SYT16: variants seen among roughly 807,000 people sequenced by gnomAD.
SYT16 encodes the protein synaptotagmin 16, also known as synaptotagmin-16.
A neutral mutation model predicts 61.4 loss-of-function variants in SYT16; 42 were observed. That is an observed-to-expected ratio of 0.68 (90% CI 0.53 to 0.89). The LOEUF is 0.89. SYT16 is among the 40% of genes least tolerant of loss of function. The pLI, the probability that SYT16 is intolerant of heterozygous loss-of-function variation, is 0.00. For missense variants in SYT16, 804 were observed against 807.3 expected (o/e 1.00, Z 0.05); for synonymous variants, 314 against 302.3 (o/e 1.04, Z -0.40).
intron 1 of SYT16, among the ~76,000 whole-genome samples, chr14:61,944,900 A>G (rs1024315265): frequency 6.6e-6 from 1 of 152,238 alleles, no homozygotes; most frequent in Non-Finnish European, 1.5e-5. Context: ...GATTAATTAA[A>G]CTAAAGAGCT....
intron 3 of SYT16, among the ~76,000 whole-genome samples, chr14:62,063,654 C>T (rs773274620): frequency 3.3e-5 from 5 of 152,098 alleles, no homozygotes; most frequent in Admixed American, 6.5e-5. Context: ...CCCACCATCC[C>T]GTCTCTTTGG....
At chr14:62,069,445 G>A in intron 3 of SYT16, 158 bp from the exon 4 acceptor site, 1 of 667,194 alleles carries the variant, frequency 1.5e-6, no homozygotes, top group Non-Finnish European at 2.6e-6. Context: ...TCAAATTTGT[G>A]TTGCAAAAGT....
chr14:62,020,024 C>A (rs1259731398), intron 3 of SYT16, among the ~76,000 whole-genome samples: 1 of 152,108 alleles, frequency 6.6e-6, no homozygotes, highest in Non-Finnish European at 1.5e-5. Context: ...TTTTTTCTAA[C>A]TTACTAGTTA....
intron 1 of SYT16, among the ~76,000 whole-genome samples, chr14:61,955,271 C>T (rs2050827782): frequency 1.3e-5 from 2 of 152,062 alleles, no homozygotes; most frequent in Admixed American, 1.3e-4. Context: ...CTGTCCCTCC[C>T]CACTATTTTG....
chr14:61,826,646 G>A (rs2045779363), intron 1 of SYT16, among the ~76,000 whole-genome samples: 1 of 151,936 alleles, frequency 6.6e-6, no homozygotes, highest in Non-Finnish European at 1.5e-5. Context: ...AGGGATGCGA[G>A]GTTTCCAAAC....
intron 3 of SYT16, among the ~76,000 whole-genome samples, chr14:62,017,484 C>A (rs1267311419): frequency 6.6e-6 from 1 of 152,160 alleles, no homozygotes; most frequent in Non-Finnish European, 1.5e-5. Context: ...GAATTTCTGA[C>A]CTCCTCTCAA....
intron 2 of SYT16, among the ~76,000 whole-genome samples, chr14:61,976,753 C>A (rs2051822750): frequency 6.6e-6 from 1 of 152,132 alleles, no homozygotes; most frequent in Non-Finnish European, 1.5e-5. Flanking sequence ...GGAAGGGCTG[C>A]CATGAGGACC....
intron 3 of SYT16, among the ~76,000 whole-genome samples, chr14:62,026,194 A>G (rs1017380787): frequency 1.3e-5 from 2 of 152,196 alleles, no homozygotes; most frequent in African/African-American, 4.8e-5. Flanking sequence ...ATGGATCACA[A>G]TGAGTGGGGG....
chr14:61,988,810 C>T (rs1019181023), intron 2 of SYT16, among the ~76,000 whole-genome samples: 3 of 152,110 alleles, frequency 2.0e-5, no homozygotes, highest in Non-Finnish European at 2.9e-5. Context: ...GGATTTGAAC[C>T]CCACACTTGT....
chr14:61,837,117 G>T (rs2046154545), intron 1 of SYT16, among the ~76,000 whole-genome samples: 2 of 152,112 alleles, frequency 1.3e-5, no homozygotes, highest in African/African-American at 4.8e-5. Context: ...GATTGAGGGG[G>T]TTTCAAATGA....
At chr14:61,967,574 A>G (rs1395396722) in intron 1 of SYT16, among the ~76,000 whole-genome samples, 6 of 152,050 alleles carry the variant, frequency 3.9e-5, no homozygotes, top group Non-Finnish European at 5.9e-5. Context: ...TTGTAACTCG[A>G]ATCTCTGCCC....
At chr14:61,940,810 T>A (rs1015282837) in intron 1 of SYT16, among the ~76,000 whole-genome samples, 1 of 152,182 alleles carries the variant, frequency 6.6e-6, no homozygotes, top group Non-Finnish European at 1.5e-5. Flanking sequence ...TTCCCTGGAA[T>A]GCTCTTCAGA....
intron 1 of SYT16, among the ~76,000 whole-genome samples, chr14:61,944,731 A>G (rs1259337477): frequency 6.6e-6 from 1 of 152,240 alleles, no homozygotes. Context: ...TTATACAAAA[A>G]TTAACTCAAG....
At chr14:61,858,157 A>T (rs1014535865) in intron 1 of SYT16, among the ~76,000 whole-genome samples, 1 of 148,936 alleles carries the variant, frequency 6.7e-6, no homozygotes, top group African/African-American at 2.5e-5. Context: ...AGAAAAAAAG[A>T]AAAAAAAAAT....
intron 1 of SYT16, among the ~76,000 whole-genome samples, chr14:61,881,336 C>T (rs2140319349): frequency 1.3e-5 from 2 of 152,350 alleles, no homozygotes; most frequent in South Asian, 4.1e-4. Flanking sequence ...GAATAAAAGT[C>T]CTATAGTCAT....
chr14:61,864,910 C>T, intron 1 of SYT16: 1 of 1,262,750 alleles, frequency 7.9e-7, no homozygotes, highest in South Asian at 1.2e-5. Flanking sequence ...GCGGGATGCT[C>T]CGTGTCTTAA....
intron 3 of SYT16, among the ~76,000 whole-genome samples, chr14:62,011,967 T>C (rs1009269063): frequency 6.9e-6 from 1 of 144,258 alleles, no homozygotes; most frequent in Non-Finnish European, 1.5e-5. Context: ...CATCTGTCAC[T>C]GCTGATTTAG....
At chr14:61,822,153 C>T (rs551924988) in intron 1 of SYT16, among the ~76,000 whole-genome samples, 1 of 152,312 alleles carries the variant, frequency 6.6e-6, no homozygotes, top group Admixed American at 6.5e-5. Flanking sequence ...CAGTACAGCT[C>T]CCAGTCTGAG....
At chr14:62,062,827 C>G (rs2055884674) in intron 3 of SYT16, among the ~76,000 whole-genome samples, 1 of 152,130 alleles carries the variant, frequency 6.6e-6, no homozygotes, top group South Asian at 2.1e-4. Flanking sequence ...TGAGCACAAC[C>G]CACCCCTACC....
Sources: allele counts gnomAD v4.1 joint callset (sites outside exome capture counted in the v4.1 genomes callset), GRCh38; gene constraint gnomAD v4.1.1; transcripts MANE v1.5; gene names NCBI Gene and HGNC (gene_info 2026-07-23, HGNC 2026-07-21).